The following PRUNE2 variants were observed in gnomAD, a reference collection of about 807,000 sequenced individuals.
The protein encoded by PRUNE2 is protein prune homolog 2.
Under a neutral mutation model 252.0 loss-of-function variants are expected in PRUNE2, and 164 were observed. The ratio of observed to expected loss-of-function variants is 0.65; its 90% CI spans 0.57 to 0.74. The LOEUF is 0.74. PRUNE2 is among the 30% of genes least tolerant of loss of function. PRUNE2 has a pLI of 0.00. For missense variants in PRUNE2, 3,495 were observed against 3,711.0 expected (o/e 0.94, Z 1.51); for synonymous variants, 1,292 against 1,350.2 (o/e 0.96, Z 0.94).
At chr9:76,712,877 A>G (rs937209981) in intron 7 of PRUNE2, among the ~76,000 whole-genome samples, 8 of 152,296 alleles carry the variant, frequency 5.3e-5, no homozygotes, top group Admixed American at 3.9e-4. Flanking sequence ...GATGTAGAAA[A>G]GAAAGGGGCA....
At chr9:76,903,833 C>A (rs1284625641) in intron 1 of PRUNE2, among the ~76,000 whole-genome samples, 2 of 152,170 alleles carry the variant, frequency 1.3e-5, no homozygotes, top group Non-Finnish European at 2.9e-5. Context: ...GGTGATCCAC[C>A]CGCCTCAGCC....
chr9:76,890,684 A>C (rs1306205533), intron 1 of PRUNE2, among the ~76,000 whole-genome samples: 1 of 152,168 alleles, frequency 6.6e-6, no homozygotes, highest in Non-Finnish European at 1.5e-5. Context: ...CTCGGCATAT[A>C]CCGAAGCCTC....
At chr9:76,837,848 T>C (rs994458274) in intron 4 of PRUNE2, among the ~76,000 whole-genome samples, 2 of 151,070 alleles carry the variant, frequency 1.3e-5, no homozygotes, top group Non-Finnish European at 2.9e-5. Flanking sequence ...CTCGGCTCAC[T>C]GCAAGCTCTG....
chr9:76,676,216 T>C (rs191870609), intron 9 of PRUNE2, among the ~76,000 whole-genome samples: 1 of 149,362 alleles, frequency 6.7e-6, no homozygotes, highest in Admixed American at 6.7e-5. Flanking sequence ...TATGGCCCGA[T>C]ATGAATTTGT....
rs372485620 is a variant in PRUNE2 at position 76,710,776 on chromosome 9, G to A, written c.1498C>T (p.Pro500Ser). The change falls in exon 8 of 19, where the codon CCC (proline) becomes TCC (serine). Residue 500 changes from proline (P) to serine (S), a missense_variant. Transcript: ENST00000376718. ...HFDLFNFDPA[P>S]MASGQSQQSS... Reference sequence around the variant, plus strand: ...TGCTGGGACTGCCCAGAAGCCATGGGTGCTGGGTCAAAATTGAAGAGGTCG... The same window carrying A: ...TGCTGGGACTGCCCAGAAGCCATGGATGCTGGGTCAAAATTGAAGAGGTCG... 155 of 1,599,360 alleles carry A rather than the reference G, an allele frequency of 9.7e-5. No individual in the cohort carries two copies. Among genetic ancestry groups the A allele is most frequent in the Non-Finnish European group, 1.2e-4 (144 of 1,174,044 alleles).
chr9:76,666,110 T>A (rs1413232836), intron 9 of PRUNE2, among the ~76,000 whole-genome samples: 1 of 152,168 alleles, frequency 6.6e-6, no homozygotes, highest in Non-Finnish European at 1.5e-5. Flanking sequence ...GACAAGAGTG[T>A]GAGCCTTCTG....
At chr9:76,747,780 T>C (rs1588993425) in intron 6 of PRUNE2, among the ~76,000 whole-genome samples, 1 of 150,840 alleles carries the variant, frequency 6.6e-6, no homozygotes, top group African/African-American at 2.4e-5. Context: ...CGCTCACTCC[T>C]CCTCCATTCT....
At chr9:76,636,829 G>A (rs971040748) in intron 14 of PRUNE2, among the ~76,000 whole-genome samples, 7 of 152,010 alleles carry the variant, frequency 4.6e-5, no homozygotes, top group African/African-American at 1.2e-4. Context: ...GGTGGTGCCC[G>A]CCTGTAAGTC....
chr9:76,841,913 A>G (rs531817194), intron 4 of PRUNE2, among the ~76,000 whole-genome samples: 2 of 152,310 alleles, frequency 1.3e-5, no homozygotes, highest in African/African-American at 4.8e-5. Context: ...CTCTATCCCC[A>G]TTGAATCTGC....
intron 6 of PRUNE2, among the ~76,000 whole-genome samples, chr9:76,806,066 C>A (rs1210341438): frequency 1.3e-5 from 2 of 152,122 alleles, no homozygotes; most frequent in South Asian, 2.1e-4. Context: ...AAAGTTGAAA[C>A]CTGAATCAAC....
At chr9:76,645,023 G>T in intron 11 of PRUNE2, 114 bp from the exon 12 acceptor site, 2 of 935,800 alleles carry the variant, frequency 2.1e-6, no homozygotes, top group Non-Finnish European at 3.2e-6. Flanking sequence ...CCTTTGTTTT[G>T]TTTCATCCTG....
At chr9:76,745,097 T>G (rs911224515) in intron 6 of PRUNE2, among the ~76,000 whole-genome samples, 1 of 152,162 alleles carries the variant, frequency 6.6e-6, no homozygotes, top group African/African-American at 2.4e-5. Context: ...AAACCACCTT[T>G]GCAAAATTAT....
intron 1 of PRUNE2, among the ~76,000 whole-genome samples, chr9:76,880,073 C>T (rs912316303): frequency 6.6e-6 from 1 of 151,190 alleles, no homozygotes; most frequent in Non-Finnish European, 1.5e-5. Context: ...GCCACCACGC[C>T]CGGCTAATTG....
intron 1 of PRUNE2, among the ~76,000 whole-genome samples, chr9:76,863,949 C>T (rs1330539229): frequency 6.6e-6 from 1 of 151,994 alleles, no homozygotes; most frequent in Non-Finnish European, 1.5e-5. Flanking sequence ...AGATATACAC[C>T]CAAAAGAAAA....
At chr9:76,884,699 A>G (rs1338189789) in intron 1 of PRUNE2, among the ~76,000 whole-genome samples, 1 of 152,206 alleles carries the variant, frequency 6.6e-6, no homozygotes, top group Non-Finnish European at 1.5e-5. Context: ...CGGCATTACT[A>G]GTTTTAAAAT....
intron 1 of PRUNE2, among the ~76,000 whole-genome samples, chr9:76,868,161 A>C (rs559271384): frequency 9.9e-4 from 151 of 152,312 alleles, no homozygotes; most frequent in African/African-American, 3.4e-3. Context: ...ATCAAGAAAA[A>C]ACCTCATATG....
chr9:76,750,143 T>C (rs888816759), intron 6 of PRUNE2, among the ~76,000 whole-genome samples: 3 of 152,174 alleles, frequency 2.0e-5, no homozygotes, highest in African/African-American at 7.2e-5. Flanking sequence ...TCTGTATTCT[T>C]TGTCATATCT....
chr9:76,857,240 A>T, intron 1 of PRUNE2: 1 of 421,454 alleles, frequency 2.4e-6, no homozygotes, highest in Non-Finnish European at 4.7e-6. Context: ...AAAATGTACC[A>T]TCTTGGTGCC....
intron 4 of PRUNE2, among the ~76,000 whole-genome samples, chr9:76,845,844 T>C (rs2059642078): frequency 6.6e-6 from 1 of 152,194 alleles, no homozygotes; most frequent in Non-Finnish European, 1.5e-5. Context: ...ATGGAATTTC[T>C]GTGGTAATTT....
Sources: gnomAD v4.1 joint callset for allele counts (sites outside exome capture counted in the v4.1 genomes callset) on GRCh38, gnomAD v4.1.1 for gene constraint, MANE v1.5 for transcripts, NCBI Gene and HGNC (gene_info 2026-07-23, HGNC 2026-07-21) for gene names.